RAB1B: variants seen among roughly 807,000 people sequenced by gnomAD.
RAB1B encodes the protein RAB1B, member RAS oncogene family.
In RAB1B, 10 loss-of-function variants were observed where a neutral mutation model predicts 24.8. The observed-to-expected ratio is 0.40, with a 90% CI of 0.25 to 0.68. The LOEUF (loss-of-function observed/expected upper bound fraction) is 0.68, where lower values mean the gene tolerates loss of function less well. Ranked by LOEUF, RAB1B falls within the 30% of genes least tolerant of loss-of-function variation. RAB1B has a pLI of 0.37. For synonymous variants in RAB1B, 99 were observed against 111.7 expected, an observed-to-expected ratio of 0.89 and a Z score of 0.72; for missense variants, 154 against 271.2, an observed-to-expected ratio of 0.57 and a Z score of 3.04.
chr11:66,272,252 C>A lies in RAB1B; in HGVS notation c.183C>A (p.Ile61=), dbSNP rs765236066. 6.2e-7 allele frequency: 1 copy of A among 1,612,596 alleles called. No homozygotes were observed. The highest frequency in any genetic ancestry group is 8.5e-7 in the Non-Finnish European group (1 of 1,178,590). The change falls in exon 3 of 6, where the codon ATC becomes ATA. Residue 61 remains isoleucine, a splice_region_variant and synonymous_variant. Transcript: ENST00000311481. ...ELDGKTIKLQ[I]WDTAGQERFR... ...ATGGCAAAACTATCAAACTTCAGAT[C>A]GTGAGTGTCGCTCTTCCCAAAATCC...
intron 1 of RAB1B, chr11:66,270,233 TTTGTTGTTGTTGTTG>T (rs58085258): frequency 0.19 from 27,805 of 149,530 alleles, 2,678 homozygotes; most frequent in East Asian, 0.3. Context: ...ATAACAGGTT[TTTGTTGTTGTTGTTG>T]TTGTTGTTGT....
rs748141201 is a variant in RAB1B, at chr11:66,276,267, G to A, written c.*29G>A. ...GGGCACATGGAGTGGGACAGGAGGG[G>A]GCACCTTCTCCAGATGATGTCCCTG... On this transcript the variant is annotated 3_prime_UTR_variant, in exon 6 of 6. Coordinates refer to ENST00000311481, the MANE Select transcript of RAB1B (RefSeq NM_030981.3). The A allele has an allele frequency of 2.0e-6, 3 of 1,533,320 alleles. No homozygotes were observed. The highest frequency in any genetic ancestry group is 2.6e-6 in the Non-Finnish European group (3 of 1,145,556). The allele number at this position is 1,533,320 out of a possible 1,614,324, so 95.0% of individuals were successfully genotyped here.
Position 66,272,538 on chromosome 11 carries a change from T to C in RAB1B, c.279+78T>C. 4.2e-6 allele frequency: 4 copies of C among 955,390 alleles called. No homozygotes were observed. The South Asian group carries it at 6.9e-5, about 16-fold the overall frequency. The allele number at this position is 955,390 out of a possible 1,614,324, so 59.2% of individuals were successfully genotyped here. On this transcript the variant is annotated intron_variant, in intron 4 of 5. Transcript: ENST00000311481. ...ACTCTTCTTTTTCCTCCTTCCATCC[T>C]CTCTTTCCTGATGCTTCCTGGAAAG... is the stretch of plus-strand genomic sequence containing the variant.
chr11:66,273,442 CTT>C (rs113532396), intron 4 of RAB1B, among the ~76,000 whole-genome samples: 36 of 152,344 alleles, frequency 2.4e-4, no homozygotes, highest in African/African-American at 8.4e-4. Flanking sequence ...ACACTGCTCT[CTT>C]CTCTCTCCTT....
rs1484354993 is a variant in RAB1B at position 66,277,125 on chromosome 11, C to T, written c.*887C>T. ...ACCAGGGAAGGCCCTCATCCCCTGCCGCTACTTCTCTGGGGAATGTGGGTT... is the reference window on the plus strand; with the variant it reads ...ACCAGGGAAGGCCCTCATCCCCTGCTGCTACTTCTCTGGGGAATGTGGGTT... On this transcript the variant is annotated 3_prime_UTR_variant, in exon 6 of 6. Coordinates refer to ENST00000311481, the MANE Select transcript of RAB1B (RefSeq NM_030981.3). The T allele has an allele frequency of 1.3e-5, 2 of 152,830 alleles. No homozygotes were observed. Among genetic ancestry groups the T allele is most frequent in the African/African-American group, 2.4e-5 (1 of 41,466 alleles). 9.5% of individuals were successfully genotyped at this position (152,830 alleles called of 1,614,324 possible). A position where few individuals can be genotyped will look rare whatever the true frequency, so the allele number is the denominator to read the frequency against.
chr11:66,274,538 C>T (rs1170884865), intron 4 of RAB1B, among the ~76,000 whole-genome samples: 3 of 152,168 alleles, frequency 2.0e-5, no homozygotes, highest in African/African-American at 7.2e-5. Flanking sequence ...TCCAGCCATT[C>T]CCAGTTGGTC....
At chr11:66,272,097 C>A in intron 2 of RAB1B, 60 bp from the exon 3 acceptor site, 1 of 1,255,860 alleles carries the variant, frequency 8.0e-7, no homozygotes, top group Non-Finnish European at 1.2e-6. Context: ...TGGAGGGAGG[C>A]TCTCCAAGTG....
chr11:66,275,110 A>G (rs540413121), intron 4 of RAB1B, among the ~76,000 whole-genome samples: 7 of 152,268 alleles, frequency 4.6e-5, no homozygotes, highest in African/African-American at 1.7e-4. Flanking sequence ...ACAGGACCCA[A>G]CTTGGAACAT....
chr11:66,275,153 T>C (rs1391144901), intron 4 of RAB1B, among the ~76,000 whole-genome samples: 2 of 152,240 alleles, frequency 1.3e-5, no homozygotes, highest in Non-Finnish European at 2.9e-5. Context: ...CAGTGTGATA[T>C]GACCAGGCTT....
intron 1 of RAB1B, chr11:66,270,498 A>T (rs1390763785): frequency 6.6e-6 from 1 of 152,266 alleles, no homozygotes; most frequent in South Asian, 2.1e-4. Context: ...GAATCACTTG[A>T]ACCAGGGAGT....
intron 4 of RAB1B, among the ~76,000 whole-genome samples, chr11:66,273,927 T>C (rs1355060692): frequency 6.6e-6 from 1 of 152,126 alleles, no homozygotes; most frequent in Non-Finnish European, 1.5e-5. Context: ...TGTCCAGCGC[T>C]GGCCTCACTG....
At chr11:66,270,230 G>A (rs1857032324) in intron 1 of RAB1B, 1 of 112,222 alleles carries the variant, frequency 8.9e-6, no homozygotes, top group African/African-American at 3.5e-5. Flanking sequence ...TTCATAACAG[G>A]TTTTTGTTGT....
chr11:66,272,556 C>T (rs962883547), intron 4 of RAB1B, 96 bp downstream of exon 4: 2 of 808,546 alleles, frequency 2.5e-6, no homozygotes, highest in African/African-American at 1.7e-5. Context: ...CTGATGCTTC[C>T]TGGAAAGGAC....
At position 66,272,470 on chromosome 11, in the gene RAB1B, G is replaced by C; in HGVS notation, c.279+10G>C. The C allele has an allele frequency of 6.4e-7, 1 of 1,556,104 alleles. No homozygotes were observed. Among genetic ancestry groups the C allele is most frequent in the South Asian group, 1.2e-5 (1 of 82,444 alleles). ...TGACGTCACTGACCAGGTACTCCTG[G>C]ACTAGCCATCCTCAGCTTGGCCTCC... On this transcript the variant is annotated intron_variant, in intron 4 of 5. Transcript: ENST00000311481.
At position 66,276,693 on chromosome 11, in the gene RAB1B, C is replaced by A. The variant is rs1433815447; in HGVS notation, c.*455C>A. The A allele has an allele frequency of 6.4e-6, 1 of 156,720 alleles. No homozygotes were observed. The highest frequency in any genetic ancestry group is 2.4e-5 in the African/African-American group (1 of 41,492). 9.7% of individuals were successfully genotyped at this position (156,720 alleles called of 1,614,324 possible). ...AGGAATGTGGCCAGGGGATCCAGGA[C>A]CTGGGATCCAGGGCCCTGGGCTGGA... On this transcript the variant is annotated 3_prime_UTR_variant, in exon 6 of 6. Transcript: ENST00000311481.
chr11:66,272,440 G>C lies in RAB1B; in HGVS notation c.259G>C (p.Val87Leu). 1.3e-6 allele frequency: 2 copies of C among 1,598,178 alleles called. No individual in the cohort carries two copies. The highest frequency in any genetic ancestry group is 1.7e-6 in the Non-Finnish European group (2 of 1,170,780). Residue 87 changes from valine (V) to leucine (L), a missense_variant, in exon 4 of 6, where the codon GTG (valine) becomes CTG (leucine). By Grantham distance (32) the Val-to-Leu change is conservative. Transcript: ENST00000311481. ...CCGGGGGGCTCATGGCATCATCGTG[G>C]TGTATGACGTCACTGACCAGGTACT... ...YYRGAHGIIVVYDVTDQESYA... is the reference protein window; with the variant it reads ...YYRGAHGIIVLYDVTDQESYA...
chr11:66,276,820 T>C lies in RAB1B; in HGVS notation c.*582T>C, dbSNP rs1199172447. On this transcript the variant is annotated 3_prime_UTR_variant, in exon 6 of 6. Transcript: ENST00000311481. Reference sequence around the variant, plus strand: ...ACACTCCCAGCTCGAGCCGTCCAGCTGCGGTGGGATCTGAGTATATCTAGG... The same window carrying C: ...ACACTCCCAGCTCGAGCCGTCCAGCCGCGGTGGGATCTGAGTATATCTAGG... The C allele has an allele frequency of 1.9e-5, 2 of 103,702 alleles. No homozygotes were observed. Among genetic ancestry groups the C allele is most frequent in the Non-Finnish European group, 3.6e-5 (2 of 55,690 alleles). The allele number at this position is 103,702 out of a possible 1,614,324, so 6.4% of individuals were successfully genotyped here. A position where few individuals can be genotyped will look rare whatever the true frequency, so the allele number is the denominator to read the frequency against.
At chr11:66,272,720 T>TC in intron 4 of RAB1B, 1 of 302,306 alleles carries the variant, frequency 3.3e-6, no homozygotes, top group South Asian at 6.5e-5. Flanking sequence ...ACACCTTCCC[T>TC]CCCCACCAAG....
At chr11:66,268,830 C>CCCA (rs1054325722) in intron 1 of RAB1B, 137 bp downstream of exon 1, 168 of 945,404 alleles carry the variant, frequency 1.8e-4, no homozygotes, top group Non-Finnish European at 1.9e-4. Context: ...TGACCCCCCC[C>CCCA]CACATCCGGG....
Sources: allele counts gnomAD v4.1 joint callset (sites outside exome capture counted in the v4.1 genomes callset), GRCh38; gene constraint gnomAD v4.1.1; transcripts MANE v1.5; gene names NCBI Gene and HGNC (gene_info 2026-07-23, HGNC 2026-07-21).